The following MMP11 variants were observed in gnomAD, a reference collection of about 807,000 sequenced individuals.
MMP11 encodes the protein stromelysin-3.
Under a neutral mutation model 49.5 loss-of-function variants are expected in MMP11, and 26 were observed. The observed-to-expected ratio is 0.52, with a 90% CI of 0.38 to 0.73. The LOEUF (loss-of-function observed/expected upper bound fraction) is 0.73. MMP11 is among the 30% of genes least tolerant of loss of function. The pLI, the probability that MMP11 is intolerant of heterozygous loss-of-function variation, is 0.00. For synonymous variants in MMP11, 265 were observed against 282.3 expected (o/e 0.94, Z 0.62); for missense variants, 624 against 671.2 (o/e 0.93, Z 0.78).
Position 23,780,335 on chromosome 22 carries a change from C to G in MMP11, c.339-24C>G. On this transcript the variant is annotated intron_variant, in intron 2 of 7. Coordinates refer to ENST00000215743, the MANE Select transcript of MMP11 (RefSeq NM_005940.5). The surrounding 1 kb of genome is among the most constrained non-coding windows in gnomAD (Gnocchi z 4.6). ...TCGGGGGCTGTCCCTTCCCTGAGGC[C>G]CAGGCCCCTCCATCTCCCTCCAGGA... The G allele has an allele frequency of 6.2e-7, 1 of 1,612,094 alleles. No individual in the cohort carries two copies. The highest frequency in any genetic ancestry group is 8.5e-7 in the Non-Finnish European group (1 of 1,179,994).
chr22:23,781,597 C>A, intron 6 of MMP11, 188 bp downstream of exon 6: 1 of 642,034 alleles, frequency 1.6e-6, no homozygotes, highest in Non-Finnish European at 2.7e-6. Flanking sequence ...TCGGAGGTGG[C>A]TCTTGAGATA....
Position 23,781,415 on chromosome 22 carries a change from T to C in MMP11, c.1075+6T>C. 6.3e-7 allele frequency: 1 copy of C among 1,587,616 alleles called. No homozygotes were observed. Among genetic ancestry groups the C allele is most frequent in the Non-Finnish European group, 8.6e-7 (1 of 1,166,532 alleles). On this transcript the variant is annotated splice_donor_region_variant and intron_variant, in intron 6 of 7. Transcript: ENST00000215743. ...CCACATTTGGTTCTTCCAAGGTGAG[T>C]GGGGGTTGGGGATCTGCTCGAGAGA...
chr22:23,781,514 G>A lies in MMP11; in HGVS notation c.1075+105G>A, dbSNP rs1442843886. On this transcript the variant is annotated intron_variant, in intron 6 of 7. Transcript: ENST00000215743. ...GATCCTTAGGGACACAGTGGATAGG[G>A]AGAGCTGCCCCAAAGCCTGGGGGCC... 11 of 1,116,184 alleles carry A rather than the reference G, an allele frequency of 9.9e-6. No individual in the cohort carries two copies. The African/African-American group carries it at 1.7e-4, about 17-fold the overall frequency. The allele number at this position is 1,116,184 out of a possible 1,614,324, so 69.1% of individuals were successfully genotyped here. A position where few individuals can be genotyped will look rare whatever the true frequency, so the allele number is the denominator to read the frequency against.
chr22:23,783,543 G>C lies in MMP11; in HGVS notation c.1466G>C (p.Ter489SerextTer10), dbSNP rs1479753011. 6.2e-7 allele frequency: 1 copy of C among 1,614,170 alleles called. No individual in the cohort carries two copies. Among genetic ancestry groups the C allele is most frequent in the South Asian group, 1.1e-5 (1 of 91,078 alleles). ...GCAEPANTFL[*>S] is the part of the protein sequence containing the mutation. Reference sequence around the variant, plus strand: ...GCCGAGCCTGCCAACACTTTCCTCTGACCATGGCTTGGATGCCCTCAGGGG... The same window carrying C: ...GCCGAGCCTGCCAACACTTTCCTCTCACCATGGCTTGGATGCCCTCAGGGG... Residue 489 changes from the stop codon to serine, a stop_lost, in exon 8 of 8, where the codon TGA (stop) becomes TCA (serine). Transcript: ENST00000215743.
Position 23,779,213 on chromosome 22 carries a change from G to A in MMP11, c.135G>A (p.Arg45=), listed in dbSNP as rs1212382941. The A allele has an allele frequency of 6.2e-7, 1 of 1,605,538 alleles. No homozygotes were observed. The highest frequency in any genetic ancestry group is 1.7e-5 in the Admixed American group (1 of 59,356). Residue 45 remains arginine, a synonymous_variant, in exon 2 of 8, where the codon AGG becomes AGA. Coordinates refer to ENST00000215743, the MANE Select transcript of MMP11 (RefSeq NM_005940.5). ...PPDAHHLHAE[R]RGPQPWHAAL... ...ACGCCCACCACCTCCATGCCGAGAG[G>A]AGGGGGCCACAGCCCTGGCATGCAG...
chr22:23,779,259 C>A lies in MMP11; in HGVS notation c.181C>A (p.Pro61Thr). ...TGCAGCCCTGCCCAGTAGCCCGGCACCTGCCCCTGCCACGCAGGAAGCCCC... is the reference window on the plus strand; with the variant it reads ...TGCAGCCCTGCCCAGTAGCCCGGCAACTGCCCCTGCCACGCAGGAAGCCCC... The part of the protein sequence containing the change: ...WHAALPSSPA[P>T]APATQEAPRP... Residue 61 changes from proline to threonine, a missense_variant, in exon 2 of 8, where the codon CCT becomes ACT. Transcript: ENST00000215743. The A allele has an allele frequency of 6.2e-7, 1 of 1,609,492 alleles. No homozygotes were observed. Among genetic ancestry groups the A allele is most frequent in the East Asian group, 2.2e-5 (1 of 44,752 alleles).
chr22:23,780,298 G>A lies in MMP11; in HGVS notation c.339-61G>A. The A allele has an allele frequency of 6.2e-7, 1 of 1,606,152 alleles. No homozygotes were observed. The highest frequency in any genetic ancestry group is 8.5e-7 in the Non-Finnish European group (1 of 1,176,200). ...ACCAAGCATCCAGGGGCAACTCCTG[G>A]TGCCTCAGCCATCGGGGGCTGTCCC... On this transcript the variant is annotated intron_variant, in intron 2 of 7. Transcript: ENST00000215743. The surrounding 1 kb of genome is among the most constrained non-coding windows in gnomAD (Gnocchi z 4.6).
intron 1 of MMP11, among the ~76,000 whole-genome samples, chr22:23,778,546 C>T (rs554951421): frequency 2.6e-5 from 4 of 152,322 alleles, no homozygotes; most frequent in South Asian, 2.1e-4. Flanking sequence ...GGTGCCTTCC[C>T]GGGTGCTGGG....
chr22:23,775,338 C>T (rs738791), intron 1 of MMP11, among the ~76,000 whole-genome samples: 56,541 of 152,076 alleles, frequency 0.37, 12,312 homozygotes, highest in Non-Finnish European at 0.5. Context: ...TGTCTACCAC[C>T]TCACCTCACT....
chr22:23,781,742 C>T (rs28363667), intron 6 of MMP11: 13,726 of 629,662 alleles, frequency 0.022, 803 homozygotes, highest in African/African-American at 0.16. Context: ...GTGAGTGCAG[C>T]TGGGAAGAGG....
At position 23,780,900 on chromosome 22, in the gene MMP11, G is replaced by A. The variant is rs1441864574; in HGVS notation, c.658G>A (p.Val220Met). ...LQVAAHEFGH[V>M]LGLQHTTAAK... ...GGTGGCAGCCCATGAATTTGGCCAC[G>A]TGCTGGGGCTGCAGCACACAACAGC... Residue 220 changes from valine (V) to methionine (M), a missense_variant, in exon 5 of 8, where the codon GTG (valine) becomes ATG (methionine). Val to Met is a conservative substitution (Grantham distance 21). Transcript: ENST00000215743. This position sits in a 1 kb window ranked among gnomAD's most constrained non-coding sequence, Gnocchi z 4.6. The A allele has an allele frequency of 8.7e-6, 14 of 1,613,936 alleles. No individual in the cohort carries two copies. The highest frequency in any genetic ancestry group is 5.0e-5 in the Admixed American group (3 of 60,030).
chr22:23,783,651 G>C lies in MMP11; in HGVS notation c.*107G>C. Reference sequence around the variant, plus strand: ...CTGTGGGCACCAGGCATGGGACTGAGCCCATGTCTCCTCAGGGGGATGGGG... The same window carrying C: ...CTGTGGGCACCAGGCATGGGACTGACCCCATGTCTCCTCAGGGGGATGGGG... On this transcript the variant is annotated 3_prime_UTR_variant, in exon 8 of 8. Coordinates refer to ENST00000215743, the MANE Select transcript of MMP11 (RefSeq NM_005940.5). 6.8e-7 allele frequency: 1 copy of C among 1,464,082 alleles called. No individual in the cohort carries two copies. Among genetic ancestry groups the C allele is most frequent in the Non-Finnish European group, 9.5e-7 (1 of 1,057,992 alleles). The allele number at this position is 1,464,082 out of a possible 1,614,324, so 90.7% of individuals were successfully genotyped here.
In MMP11 at chr22:23,783,404, T is replaced by C; in HGVS notation, c.1334-7T>C. The C allele has an allele frequency of 1.2e-6, 2 of 1,613,930 alleles. No homozygotes were observed. Among genetic ancestry groups the C allele is most frequent in the Non-Finnish European group, 1.7e-6 (2 of 1,179,852 alleles). On this transcript the variant is annotated splice_polypyrimidine_tract_variant and splice_region_variant and intron_variant, in intron 7 of 7. Coordinates refer to ENST00000215743, the MANE Select transcript of MMP11 (RefSeq NM_005940.5). ...CTCGCCCAGGCTTGACCACCTTCTCTTCTCAGGCTATGCCTACTTCCTGCG... is the reference window on the plus strand; with the variant it reads ...CTCGCCCAGGCTTGACCACCTTCTCCTCTCAGGCTATGCCTACTTCCTGCG...
chr22:23,780,217 C>A lies in MMP11; in HGVS notation c.339-142C>A. On this transcript the variant is annotated intron_variant, in intron 2 of 7. Coordinates refer to ENST00000215743, the MANE Select transcript of MMP11 (RefSeq NM_005940.5). This position sits in a 1 kb window ranked among gnomAD's most constrained non-coding sequence, Gnocchi z 4.6. ...GCCCATGTGGCCAGGGAGACCAGTG[C>A]GCTGAAGCTGAGGCCCAGAGTACAC... The A allele has an allele frequency of 2.1e-6, 2 of 975,078 alleles. No individual in the cohort carries two copies. Among genetic ancestry groups the A allele is most frequent in the Non-Finnish European group, 3.1e-6 (2 of 653,760 alleles). 60.4% of individuals were successfully genotyped at this position (975,078 alleles called of 1,614,324 possible). A position where few individuals can be genotyped will look rare whatever the true frequency, so the allele number is the denominator to read the frequency against.
At position 23,783,757 on chromosome 22, in the gene MMP11, G is replaced by T; in HGVS notation, c.*213G>T. The T allele has an allele frequency of 1.6e-6, 1 of 630,688 alleles. No individual in the cohort carries two copies. The highest frequency in any genetic ancestry group is 2.7e-6 in the Non-Finnish European group (1 of 365,484). The allele number at this position is 630,688 out of a possible 1,614,324, so 39.1% of individuals were successfully genotyped here. A position where few individuals can be genotyped will look rare whatever the true frequency, so the allele number is the denominator to read the frequency against. The stretch of plus-strand genomic sequence containing the variant: ...GCCAGCGACTGTCTCAGACTGGGCA[G>T]GGAGGCTTTGGCATGACTTAAGAGG... On this transcript the variant is annotated 3_prime_UTR_variant, in exon 8 of 8. Coordinates refer to ENST00000215743, the MANE Select transcript of MMP11 (RefSeq NM_005940.5).
chr22:23,783,296 T>C, intron 7 of MMP11, 115 bp from the exon 8 acceptor site: 2 of 1,305,910 alleles, frequency 1.5e-6, no homozygotes, highest in Admixed American at 2.0e-5. Flanking sequence ...AACTCAGCAG[T>C]GGCCAAGGGC....
Position 23,783,780 on chromosome 22 carries a change from A to G in MMP11, c.*236A>G, listed in dbSNP as rs1209587221. 6.8e-6 allele frequency: 4 copies of G among 584,466 alleles called. No individual in the cohort carries two copies. The East Asian group carries it at 1.2e-4, about 17-fold the overall frequency. The allele number at this position is 584,466 out of a possible 1,614,324, so 36.2% of individuals were successfully genotyped here. ...CAGGGAGGCTTTGGCATGACTTAAG[A>G]GGAAGGGCAGTCTTGGGCCCGCTAT... On this transcript the variant is annotated 3_prime_UTR_variant, in exon 8 of 8. Coordinates refer to ENST00000215743, the MANE Select transcript of MMP11 (RefSeq NM_005940.5).
At chr22:23,773,814 C>T (rs539719019) in intron 1 of MMP11, among the ~76,000 whole-genome samples, 6 of 152,328 alleles carry the variant, frequency 3.9e-5, no homozygotes, top group African/African-American at 1.2e-4. Flanking sequence ...GCGGAGGCAT[C>T]CAGACAGCTC....
At chr22:23,779,650 A>G (rs1163260400) in intron 2 of MMP11, 6 of 571,406 alleles carry the variant, frequency 1.1e-5, no homozygotes, top group Non-Finnish European at 1.9e-5. Flanking sequence ...CTCCGTCATC[A>G]TGCAAAGAGT....
Sources: gnomAD v4.1 joint callset for allele counts (sites outside exome capture counted in the v4.1 genomes callset) on GRCh38, gnomAD v4.1.1 for gene constraint, Gnocchi (gnomAD v3.1) non-coding constraint, MANE v1.5 for transcripts, NCBI Gene and HGNC (gene_info 2026-07-23, HGNC 2026-07-21) for gene names.